Variants in SLCO5A1 observed in about 807,000 individuals in gnomAD.
SLCO5A1 encodes the protein solute carrier organic anion transporter family member 5A1.
In SLCO5A1, 39 loss-of-function variants were observed where a neutral mutation model predicts 65.1. That is an observed-to-expected ratio of 0.60 (90% CI 0.46 to 0.78). SLCO5A1 has a LOEUF of 0.78. SLCO5A1 is among the 30% of genes least tolerant of loss of function. The pLI is 0.00. For missense variants in SLCO5A1, 1,029 were observed against 1,069.4 expected, an observed-to-expected ratio of 0.96 and a Z score of 0.53; for synonymous variants, 438 against 415.7, an observed-to-expected ratio of 1.05 and a Z score of -0.65.
At chr8:69,830,670 A>T (rs1253385215) in intron 2 of SLCO5A1, among the ~76,000 whole-genome samples, 3 of 152,208 alleles carry the variant, frequency 2.0e-5, no homozygotes, top group African/African-American at 7.2e-5. Flanking sequence ...GGAGGTGCTA[A>T]CAACCTCAAA....
chr8:69,731,704 T>C (rs1226547909), intron 5 of SLCO5A1, among the ~76,000 whole-genome samples: 1 of 152,258 alleles, frequency 6.6e-6, no homozygotes, highest in Non-Finnish European at 1.5e-5. Flanking sequence ...CCTATAATTT[T>C]CACTTTTTGT....
At chr8:69,718,313 T>C (rs936214716) in intron 5 of SLCO5A1, among the ~76,000 whole-genome samples, 1 of 152,226 alleles carries the variant, frequency 6.6e-6, no homozygotes, top group Admixed American at 6.5e-5. Context: ...ATTTTCTCCA[T>C]AGAAGATCAC....
At chr8:69,833,247 G>C (rs1282008020) in intron 1 of SLCO5A1, 78 bp from the exon 2 acceptor site, 1 of 155,824 alleles carries the variant, frequency 6.4e-6, no homozygotes, top group Non-Finnish European at 1.4e-5. Context: ...GGGGACCAGG[G>C]TTAGGTGACC....
At chr8:69,816,478 T>C (rs1404528277) in intron 2 of SLCO5A1, among the ~76,000 whole-genome samples, 1 of 152,140 alleles carries the variant, frequency 6.6e-6, no homozygotes, top group Non-Finnish European at 1.5e-5. Context: ...CCCATCTCTT[T>C]TTCTCCAGCA....
At chr8:69,705,652 C>T (rs1405569611) in intron 5 of SLCO5A1, among the ~76,000 whole-genome samples, 3 of 152,236 alleles carry the variant, frequency 2.0e-5, no homozygotes, top group Non-Finnish European at 2.9e-5. Context: ...TTGATCATTA[C>T]ACATTCTATG....
At chr8:69,831,658 A>C in intron 2 of SLCO5A1, 109 bp downstream of exon 2, 4 of 1,200,722 alleles carry the variant, frequency 3.3e-6, no homozygotes, top group Non-Finnish European at 3.5e-6. Context: ...GTGAACTTTA[A>C]TCTATAATAT....
In SLCO5A1 at chr8:69,832,610, C is replaced by T; in HGVS notation, c.64G>A (p.Glu22Lys). 1.9e-6 allele frequency: 3 copies of T among 1,611,482 alleles called. No individual in the cohort carries two copies. ...GEQLEAPATA[E>K]AVQERCEPET... ...GGCTCGCACCTCTCTTGGACAGCTT[C>T]TGCAGTGGCCGGCGCCTCCAGCTGC... The change falls in exon 2 of 10, where the codon GAA (glutamate) becomes AAA (lysine). Residue 22 changes from glutamate to lysine, a missense_variant. Coordinates refer to ENST00000260126, the MANE Select transcript of SLCO5A1 (RefSeq NM_030958.3). This position sits in a 1 kb window ranked among gnomAD's most constrained non-coding sequence, Gnocchi z 4.5.
intron 6 of SLCO5A1, among the ~76,000 whole-genome samples, chr8:69,696,804 A>T (rs1167348508): frequency 1.3e-5 from 2 of 152,222 alleles, no homozygotes; most frequent in Non-Finnish European, 2.9e-5. Context: ...GATCCTAATT[A>T]TATGTGCAGA....
chr8:69,747,974 C>G (rs978379418), intron 4 of SLCO5A1, among the ~76,000 whole-genome samples: 3 of 152,114 alleles, frequency 2.0e-5, no homozygotes, highest in Admixed American at 6.5e-5. Context: ...GCAACATGGC[C>G]AACACAGGAC....
chr8:69,693,054 G>A (rs1218303236), intron 6 of SLCO5A1, among the ~76,000 whole-genome samples: 1 of 152,114 alleles, frequency 6.6e-6, no homozygotes, highest in Non-Finnish European at 1.5e-5. Context: ...CATGACCAAC[G>A]CATTGCACTT....
intron 6 of SLCO5A1, among the ~76,000 whole-genome samples, chr8:69,692,339 G>C (rs1362475418): frequency 6.6e-6 from 1 of 152,186 alleles, no homozygotes; most frequent in Non-Finnish European, 1.5e-5. Context: ...ATTTGCTCTG[G>C]GTGAGTGAAT....
intron 2 of SLCO5A1, among the ~76,000 whole-genome samples, chr8:69,779,347 A>G (rs1818707817): frequency 6.6e-6 from 1 of 152,216 alleles, no homozygotes; most frequent in Non-Finnish European, 1.5e-5. Flanking sequence ...TAGTTTTAAC[A>G]TGTTAACTAT....
intron 5 of SLCO5A1, among the ~76,000 whole-genome samples, chr8:69,707,486 G>A (rs1407223569): frequency 6.6e-6 from 1 of 152,206 alleles, no homozygotes; most frequent in Non-Finnish European, 1.5e-5. Context: ...TTATGGAAAG[G>A]AAGCAGCTGG....
chr8:69,794,550 G>A, intron 2 of SLCO5A1: 1 of 357,376 alleles, frequency 2.8e-6, no homozygotes, highest in Non-Finnish European at 5.6e-6. Context: ...ATGTGGATCA[G>A]GATTTGTCAT....
chr8:69,716,541 T>C (rs987226949), intron 5 of SLCO5A1, among the ~76,000 whole-genome samples: 7 of 152,220 alleles, frequency 4.6e-5, no homozygotes, highest in Non-Finnish European at 8.8e-5. Context: ...TACCTCATTG[T>C]GGTTTTGATT....
chr8:69,768,002 G>A (rs956781675), intron 2 of SLCO5A1, among the ~76,000 whole-genome samples: 10 of 152,166 alleles, frequency 6.6e-5, no homozygotes, highest in African/African-American at 2.4e-4. Context: ...GGAGGCTGAG[G>A]CAGGCTGATT....
rs118078589 is a variant in SLCO5A1 at position 69,794,606 on chromosome 8, A to G, written c.908-32731T>C. The G allele has an allele frequency of 7.5e-3, 2,454 of 327,012 alleles. 52 individuals carry two copies. Among genetic ancestry groups the G allele is most frequent in the African/African-American group, 0.046 (2,084 of 45,770 alleles). The allele number at this position is 327,012 out of a possible 1,614,324, so 20.3% of individuals were successfully genotyped here. On this transcript the variant is annotated intron_variant, in intron 2 of 9. Transcript: ENST00000260126. ...TAGATTACCGGTTTGGAAATTGTATACAGTTTTTGCTTTAGCAATTCTGCT... is the reference window on the plus strand; with the variant it reads ...TAGATTACCGGTTTGGAAATTGTATGCAGTTTTTGCTTTAGCAATTCTGCT...
At chr8:69,685,131 G>A (rs1407762984) in intron 6 of SLCO5A1, among the ~76,000 whole-genome samples, 1 of 152,176 alleles carries the variant, frequency 6.6e-6, no homozygotes, top group Non-Finnish European at 1.5e-5. Flanking sequence ...GAAAGGAAGT[G>A]GGCATTCATG....
intron 5 of SLCO5A1, among the ~76,000 whole-genome samples, chr8:69,715,898 AC>A (rs529642614): frequency 1.2e-4 from 19 of 152,210 alleles, no homozygotes; most frequent in Non-Finnish European, 2.8e-4. Context: ...ATTCACAGAA[AC>A]ATGCAATCAT....
Sources: allele counts gnomAD v4.1 joint callset (sites outside exome capture counted in the v4.1 genomes callset), GRCh38; gene constraint gnomAD v4.1.1; non-coding constraint Gnocchi (gnomAD v3.1); transcripts MANE v1.5; gene names NCBI Gene and HGNC (gene_info 2026-07-23, HGNC 2026-07-21).